MMP26: variants seen among roughly 807,000 people sequenced by gnomAD.
MMP26 encodes the protein matrix metalloproteinase-26.
A neutral mutation model predicts 31.0 loss-of-function variants in MMP26; 33 were observed. That is an observed-to-expected ratio of 1.06 (90% confidence interval 0.81 to 1.42). The LOEUF is 1.42. MMP26 is among the 40% of genes most tolerant of loss of function. The pLI, the probability that MMP26 is intolerant of heterozygous loss-of-function variation, is 0.00. For missense variants in MMP26, 347 were observed against 316.1 expected (o/e 1.10, Z -0.74); for synonymous variants, 122 against 114.9 (o/e 1.06, Z -0.40).
chr11:4,807,609 G>A (rs957403944), intron 2 of MMP26, among the ~76,000 whole-genome samples: 2 of 147,532 alleles, frequency 1.4e-5, no homozygotes, highest in Admixed American at 1.4e-4. Context: ...ACACACTGGG[G>A]GCCTGTCTGG....
At chr11:4,734,847 T>TATAAGCAGGGCATAGG (rs1283235627) in intron 1 of MMP26, among the ~76,000 whole-genome samples, 142 of 59,530 alleles carry the variant, frequency 2.4e-3, no homozygotes, top group African/African-American at 4.7e-3. Flanking sequence ...TAGCATATTT[T>TATAAGCAGGGCATAGG]CAGCTTGTAT....
intron 2 of MMP26, among the ~76,000 whole-genome samples, chr11:4,845,471 A>G (rs1445439829): frequency 2.0e-5 from 3 of 152,138 alleles, no homozygotes; most frequent in African/African-American, 7.2e-5. Context: ...AAACTACTAC[A>G]GAAAACTTTG....
At chr11:4,889,099 T>A (rs558523030) in intron 2 of MMP26, among the ~76,000 whole-genome samples, 1 of 152,168 alleles carries the variant, frequency 6.6e-6, no homozygotes, top group Non-Finnish European at 1.5e-5. Flanking sequence ...AACATACATG[T>A]CAGTCCTACA....
intron 1 of MMP26, among the ~76,000 whole-genome samples, chr11:4,715,948 G>C (rs1196051912): frequency 6.6e-6 from 1 of 152,178 alleles, no homozygotes; most frequent in Admixed American, 6.5e-5. Context: ...TATCCTGCTA[G>C]GGCTTACCTA....
At chr11:4,892,506 T>C (rs1850639762) in intron 2 of MMP26, among the ~76,000 whole-genome samples, 1 of 152,196 alleles carries the variant, frequency 6.6e-6, no homozygotes, top group Non-Finnish European at 1.5e-5. Flanking sequence ...ATAGAATCAT[T>C]AGAAGCCCAG....
chr11:4,712,169 A>G (rs1847870673), intron 1 of MMP26: 1 of 152,186 alleles, frequency 6.6e-6, no homozygotes, highest in East Asian at 1.9e-4. Flanking sequence ...ATATACTGAC[A>G]TATTTTGAGC....
chr11:4,751,816 C>T (rs1848449764), intron 1 of MMP26, among the ~76,000 whole-genome samples: 2 of 152,196 alleles, frequency 1.3e-5, no homozygotes, highest in East Asian at 3.9e-4. Context: ...AGTTAGTCAT[C>T]TGTTGGAACA....
intron 2 of MMP26, among the ~76,000 whole-genome samples, chr11:4,813,251 T>C (rs1849374692): frequency 6.6e-6 from 1 of 152,156 alleles, no homozygotes; most frequent in Non-Finnish European, 1.5e-5. Flanking sequence ...AAATTGTTTA[T>C]CTAGACACTT....
At chr11:4,885,321 A>T (rs1396757757) in intron 2 of MMP26, among the ~76,000 whole-genome samples, 2 of 152,144 alleles carry the variant, frequency 1.3e-5, no homozygotes, top group Non-Finnish European at 2.9e-5. Context: ...AGATTATATA[A>T]TATAGTCATA....
At chr11:4,883,531 A>T (rs140973840) in intron 2 of MMP26, among the ~76,000 whole-genome samples, 2 of 152,142 alleles carry the variant, frequency 1.3e-5, no homozygotes, top group African/African-American at 4.8e-5. Flanking sequence ...TCCATCCAAT[A>T]TATAAAATTA....
At chr11:4,851,524 C>T (rs1389830194) in intron 2 of MMP26, among the ~76,000 whole-genome samples, 1 of 152,048 alleles carries the variant, frequency 6.6e-6, no homozygotes, top group East Asian at 1.9e-4. Context: ...GTGAAGGACT[C>T]TATACACGTT....
At chr11:4,832,199 G>A in intron 2 of MMP26, 2 of 185,402 alleles carry the variant, frequency 1.1e-5, no homozygotes, top group Non-Finnish European at 2.3e-5. Context: ...ACCAGGACTT[G>A]AGCATGCACA....
At chr11:4,713,662 G>T (rs954072260) in intron 1 of MMP26, among the ~76,000 whole-genome samples, 14 of 152,076 alleles carry the variant, frequency 9.2e-5, no homozygotes, top group African/African-American at 2.9e-4. Context: ...AATAAATGAA[G>T]ATTTTTGGGG....
intron 2 of MMP26, chr11:4,786,930 AC>A (rs1848955122): frequency 1.3e-5 from 2 of 152,464 alleles, no homozygotes; most frequent in South Asian, 4.2e-4. Flanking sequence ...ACCTCCATGA[AC>A]CCATGTACTG....
At chr11:4,725,214 C>T (rs1158151530) in intron 1 of MMP26, among the ~76,000 whole-genome samples, 5 of 152,148 alleles carry the variant, frequency 3.3e-5, no homozygotes, top group Admixed American at 1.3e-4. Context: ...AATTAAACCT[C>T]CTTCTTTATA....
chr11:4,892,135 T>A (rs1255398309), intron 2 of MMP26, among the ~76,000 whole-genome samples: 2 of 152,056 alleles, frequency 1.3e-5, no homozygotes, highest in East Asian at 3.9e-4. Context: ...AACCACAAAC[T>A]TTTCAACTAG....
chr11:4,842,236 C>T (rs1200315356), intron 2 of MMP26, among the ~76,000 whole-genome samples: 1 of 152,078 alleles, frequency 6.6e-6, no homozygotes, highest in Admixed American at 6.5e-5. Context: ...TTTCTTTTAG[C>T]TTGTTTAGGC....
chr11:4,921,271 G>A lies in MMP26; in HGVS notation c.-144-66797G>A, dbSNP rs574111977. On this transcript the variant is annotated intron_variant, in intron 2 of 7. Transcript: ENST00000380390. ...CAAAGAGCTCTGCTATAACCAAGTT[G>A]TCCCAAATCCTGCCTTGGGGCCTCA... Among the ~76,000 whole-genome samples, 8 of 152,322 alleles carry A rather than the reference G, an allele frequency of 5.3e-5. No individual in the cohort carries two copies. The South Asian group carries it at 1.7e-3, about 32-fold the overall frequency.
At chr11:4,895,690 A>G (rs2133553312) in intron 2 of MMP26, among the ~76,000 whole-genome samples, 1 of 152,316 alleles carries the variant, frequency 6.6e-6, no homozygotes, top group South Asian at 2.1e-4. Context: ...TTGGTAGCAC[A>G]AGGTGGGAGG....
Sources: allele counts gnomAD v4.1 joint callset (sites outside exome capture counted in the v4.1 genomes callset), GRCh38; gene constraint gnomAD v4.1.1; transcripts MANE v1.5; gene names NCBI Gene and HGNC (gene_info 2026-07-23, HGNC 2026-07-21).